Variants in DLGAP2 observed in about 807,000 individuals in gnomAD.
DLGAP2 encodes DLG associated protein 2.
DLGAP2 carries 26 observed loss-of-function variants against 100.3 expected under a neutral mutation model. The observed-to-expected ratio is 0.26, with a 90% CI of 0.19 to 0.36. DLGAP2 has a LOEUF of 0.36. Among genes scored for constraint, DLGAP2 ranks in the 10% least tolerant of loss-of-function variants. The pLI, the probability that DLGAP2 is intolerant of heterozygous loss-of-function variation, is 1.00. For missense variants in DLGAP2, 1,858 were observed against 1,453.2 expected (o/e 1.28, Z -4.53); for synonymous variants, 886 against 630.1 (o/e 1.41, Z -6.08).
chr8:1,052,191 C>G (rs1706425719), intron 2 of DLGAP2, among the ~76,000 whole-genome samples: 2 of 152,284 alleles, frequency 1.3e-5, no homozygotes, highest in East Asian at 1.9e-4. Flanking sequence ...CCTGGGCCTG[C>G]CTCTGACCAC....
chr8:1,619,321 C>T (rs1460204760), intron 6 of DLGAP2, among the ~76,000 whole-genome samples: 1 of 152,184 alleles, frequency 6.6e-6, no homozygotes, highest in African/African-American at 2.4e-5. Context: ...AATGACAATA[C>T]AACATGCCCA....
At chr8:765,571 A>T (rs767838723) in intron 1 of DLGAP2, among the ~76,000 whole-genome samples, 5 of 152,210 alleles carry the variant, frequency 3.3e-5, no homozygotes, top group Non-Finnish European at 5.9e-5. Flanking sequence ...AGTCCAGTTT[A>T]TATTGAAAAC....
intron 1 of DLGAP2, among the ~76,000 whole-genome samples, chr8:785,680 G>A (rs55790000): frequency 3.9e-5 from 1 of 25,722 alleles, no homozygotes; most frequent in Middle Eastern, 0.019. Flanking sequence ...CTCCCCTCAG[G>A]CCCCTCTGAG....
intron 2 of DLGAP2, among the ~76,000 whole-genome samples, chr8:979,860 T>G (rs1800278680): frequency 6.6e-6 from 1 of 152,194 alleles, no homozygotes; most frequent in African/African-American, 2.4e-5. Context: ...CTCAGTCCTT[T>G]GGGAGGAAGT....
At chr8:1,059,429 G>C (rs1462191637) in intron 2 of DLGAP2, among the ~76,000 whole-genome samples, 1 of 152,136 alleles carries the variant, frequency 6.6e-6, no homozygotes, top group East Asian at 1.9e-4. Context: ...CCTCAGCTCT[G>C]TGCCTCAGTT....
chr8:1,189,309 G>A (rs11778197), intron 2 of DLGAP2, among the ~76,000 whole-genome samples: 34,791 of 152,174 alleles, frequency 0.23, 4,860 homozygotes, highest in Non-Finnish European at 0.33. Flanking sequence ...CTGCAAGGGC[G>A]GGAGACCCAG....
chr8:1,693,025 A>C (rs1242009053), intron 13 of DLGAP2, among the ~76,000 whole-genome samples: 1 of 148,318 alleles, frequency 6.7e-6, no homozygotes, highest in Admixed American at 6.8e-5. Context: ...CTATATGTTT[A>C]TATATACACC....
chr8:1,181,623 A>G (rs1430422896), intron 2 of DLGAP2, among the ~76,000 whole-genome samples: 3 of 152,128 alleles, frequency 2.0e-5, no homozygotes, highest in East Asian at 1.9e-4. Context: ...AATCTATACA[A>G]TAAGCCCCCA....
chr8:1,293,876 A>G (rs1380747155), intron 3 of DLGAP2, among the ~76,000 whole-genome samples: 1 of 152,208 alleles, frequency 6.6e-6, no homozygotes, highest in Non-Finnish European at 1.5e-5. Context: ...AAAATAGTTT[A>G]TTGTCTTCAG....
chr8:1,632,621 G>A (rs572106727), intron 7 of DLGAP2, among the ~76,000 whole-genome samples: 1 of 152,314 alleles, frequency 6.6e-6, no homozygotes, highest in African/African-American at 2.4e-5. Context: ...ACTTGGAATT[G>A]GCTGTTTGCC....
chr8:1,240,213 GCAC>G, intron 2 of DLGAP2, among the ~76,000 whole-genome samples: 1 of 134,520 alleles, frequency 7.4e-6, no homozygotes, highest in Admixed American at 7.4e-5. Context: ...CTCTCACATG[GCAC>G]TGTGTCTAGT....
chr8:1,548,337 T>A, intron 4 of DLGAP2, among the ~76,000 whole-genome samples: 1 of 151,108 alleles, frequency 6.6e-6, no homozygotes, highest in Admixed American at 6.6e-5. Flanking sequence ...CAGGCGCCTG[T>A]AGTCCCAGCT....
At chr8:917,023 G>A (rs1471894461) in intron 2 of DLGAP2, among the ~76,000 whole-genome samples, 2 of 152,218 alleles carry the variant, frequency 1.3e-5, no homozygotes, top group African/African-American at 4.8e-5. Flanking sequence ...AAGAGAAGAA[G>A]GTGTGAGAGG....
intron 2 of DLGAP2, among the ~76,000 whole-genome samples, chr8:1,133,024 G>A (rs1017111812): frequency 6.6e-6 from 1 of 152,178 alleles, no homozygotes; most frequent in African/African-American, 2.4e-5. Context: ...CCTAATCTGG[G>A]GTCTGTGTGT....
intron 3 of DLGAP2, among the ~76,000 whole-genome samples, chr8:1,388,150 G>A (rs1021146646): frequency 5.0e-5 from 5 of 100,514 alleles, no homozygotes; most frequent in African/African-American, 1.6e-4. Flanking sequence ...GAGAGGCAGA[G>A]GCAGTGGGTG....
chr8:786,580 GCA>G (rs1821873642), intron 1 of DLGAP2, among the ~76,000 whole-genome samples: 1 of 151,978 alleles, frequency 6.6e-6, no homozygotes, highest in African/African-American at 2.4e-5. Context: ...AGCGCACTAC[GCA>G]CAGTTCCCTC....
chr8:996,397 G>A (rs779707170), intron 2 of DLGAP2, among the ~76,000 whole-genome samples: 20 of 152,048 alleles, frequency 1.3e-4, no homozygotes, highest in Non-Finnish European at 2.6e-4. Flanking sequence ...TGTGGATCCC[G>A]TGTCCTCAGC....
In DLGAP2 at chr8:1,288,773, A is replaced by AGT. The variant is rs1207819680; in HGVS notation, c.106+29904_106+29905dup. 3.8e-4 allele frequency among the ~76,000 whole-genome samples: 49 copies of AGT among 127,818 alleles called. No individual in the cohort carries two copies. The East Asian group carries it at 6.6e-3, about 17-fold the overall frequency. 83.9% of individuals were successfully genotyped at this position (127,818 alleles called of 152,430 possible). Reference sequence around the variant, plus strand: ...TTAGGAGGGGAACTAGTTTCGGTTCAGTGTGTGTGTGTGTGGTTGTTAGGA... The same window carrying AGT: ...TTAGGAGGGGAACTAGTTTCGGTTCAGTGTGTGTGTGTGTGTGGTTGTTAGGA... On this transcript the variant is annotated intron_variant, in intron 3 of 14. Transcript: ENST00000637795.
intron 2 of DLGAP2, among the ~76,000 whole-genome samples, chr8:1,210,090 C>G (rs1054439408): frequency 6.6e-6 from 1 of 152,114 alleles, no homozygotes; most frequent in Non-Finnish European, 1.5e-5. Context: ...TGACTTAATC[C>G]CAGGTAGGGT....
Sources: allele counts gnomAD v4.1 joint callset (sites outside exome capture counted in the v4.1 genomes callset), GRCh38; gene constraint gnomAD v4.1.1; transcripts MANE v1.5; gene names NCBI Gene and HGNC (gene_info 2026-07-23, HGNC 2026-07-21).